KANK1: variants seen among roughly 807,000 people sequenced by gnomAD.
KANK1 encodes the protein KN motif and ankyrin repeat domain-containing protein 1.
In KANK1, 109 loss-of-function variants were observed where a neutral mutation model predicts 106.2. The ratio of observed to expected loss-of-function variants is 1.03; its 90% CI spans 0.88 to 1.20. The LOEUF (loss-of-function observed/expected upper bound fraction) is 1.20. KANK1 is among the 50% of genes most tolerant of loss of function. The pLI is 0.00. For synonymous variants in KANK1, 873 were observed against 652.2 expected, an observed-to-expected ratio of 1.34 and a Z score of -5.16; for missense variants, 2,399 against 1,710.7, an observed-to-expected ratio of 1.40 and a Z score of -7.10.
chr9:605,078 C>G (rs1307642444), intron 1 of KANK1, among the ~76,000 whole-genome samples: 1 of 151,420 alleles, frequency 6.6e-6, no homozygotes, highest in East Asian at 1.9e-4. Flanking sequence ...CCGAGGCAGG[C>G]AGATCACATG....
chr9:715,835 G>C (rs1301426891), intron 3 of KANK1, among the ~76,000 whole-genome samples: 1 of 152,214 alleles, frequency 6.6e-6, no homozygotes, highest in Admixed American at 6.5e-5. Context: ...TGAACGCAGA[G>C]TATTCCATTT....
In KANK1 at chr9:600,494, C is replaced by A. The variant is rs115776111; in HGVS notation, c.-83-76396C>A. Among the ~76,000 whole-genome samples the A allele has an allele frequency of 2.2e-3, 338 of 151,808 alleles. 10 individuals are homozygous for A. The highest frequency in any genetic ancestry group is 7.8e-3 in the African/African-American group (319 of 41,158). ...CATTCCCATACAATGTGGTAACATA[C>A]GTAATAATCTAAATAGAATATAAAT... is the stretch of plus-strand genomic sequence containing the variant. On this transcript the variant is annotated intron_variant, in intron 1 of 11. Transcript: ENST00000382297.
At chr9:628,796 G>A (rs559796801) in intron 1 of KANK1, among the ~76,000 whole-genome samples, 5 of 152,072 alleles carry the variant, frequency 3.3e-5, no homozygotes, top group South Asian at 2.1e-4. Context: ...TTACCATCTT[G>A]GGCCGGGCAT....
intron 1 of KANK1, among the ~76,000 whole-genome samples, chr9:581,364 G>C (rs1480823961): frequency 6.6e-6 from 1 of 152,234 alleles, no homozygotes; most frequent in African/African-American, 2.4e-5. Context: ...AGTGAGACTG[G>C]AAATTCTTTG....
chr9:506,067 G>T (rs2058743231), intron 1 of KANK1, among the ~76,000 whole-genome samples: 2 of 152,136 alleles, frequency 1.3e-5, no homozygotes, highest in Admixed American at 1.3e-4. Flanking sequence ...AAATTCAGTG[G>T]TTTTTAATAT....
chr9:702,150 T>A (rs1413191081), intron 2 of KANK1, among the ~76,000 whole-genome samples: 2 of 152,192 alleles, frequency 1.3e-5, no homozygotes, highest in African/African-American at 4.8e-5. Flanking sequence ...TTACCCCAAA[T>A]TGCAGAGTGT....
At chr9:507,034 C>T (rs1439981077) in intron 1 of KANK1, among the ~76,000 whole-genome samples, 2 of 152,054 alleles carry the variant, frequency 1.3e-5, no homozygotes, top group African/African-American at 4.8e-5. Context: ...ATGCAACATC[C>T]ACTACACTTC....
At chr9:503,959 G>C (rs1258767956), upstream of KANK1, among the ~76,000 whole-genome samples, 1 of 152,204 alleles carries the variant, frequency 6.6e-6, no homozygotes, top group Admixed American at 6.5e-5. Context: ...TTTCCGCCGA[G>C]GACTCTGTCC....
chr9:672,940 G>A (rs975445798), intron 1 of KANK1, among the ~76,000 whole-genome samples: 3 of 152,124 alleles, frequency 2.0e-5, no homozygotes, highest in Non-Finnish European at 4.4e-5. Flanking sequence ...TACCACTTAA[G>A]ATTTACTGGT....
chr9:658,106 A>G (rs766154992), intron 1 of KANK1, among the ~76,000 whole-genome samples: 2 of 152,162 alleles, frequency 1.3e-5, no homozygotes, highest in African/African-American at 2.4e-5. Flanking sequence ...TATATCTTCA[A>G]TGTGAAATCC....
At chr9:664,449 C>G (rs1216030301) in intron 1 of KANK1, among the ~76,000 whole-genome samples, 1 of 152,030 alleles carries the variant, frequency 6.6e-6, no homozygotes, top group Non-Finnish European at 1.5e-5. Context: ...TTTTACCACA[C>G]TTTCTTTTTA....
At chr9:585,463 T>A (rs1170747270) in intron 1 of KANK1, among the ~76,000 whole-genome samples, 1 of 152,142 alleles carries the variant, frequency 6.6e-6, no homozygotes, top group Non-Finnish European at 1.5e-5. Flanking sequence ...CAAATAAAAA[T>A]GATGGAATTA....
Position 605,231 on chromosome 9 carries a change from G to A in KANK1, c.-83-71659G>A, listed in dbSNP as rs372864263. 4.0e-5 allele frequency among the ~76,000 whole-genome samples: 6 copies of A among 148,992 alleles called. No individual in the cohort carries two copies. In the East Asian group the frequency reaches 7.9e-4, roughly 20 times the overall value. ...CAGGAGAATCACTTGAACGTGGGAG[G>A]CAGAGGTTGCAGTGAGCCCAGATTG... On this transcript the variant is annotated intron_variant, in intron 1 of 11. Transcript: ENST00000382297.
At chr9:611,684 C>G (rs1251855400) in intron 1 of KANK1, among the ~76,000 whole-genome samples, 2 of 152,068 alleles carry the variant, frequency 1.3e-5, no homozygotes, top group African/African-American at 4.8e-5. Flanking sequence ...GTTTATCTTC[C>G]CAGTAATATT....
intron 1 of KANK1, among the ~76,000 whole-genome samples, chr9:541,133 C>T (rs1046241063): frequency 6.8e-6 from 1 of 146,022 alleles, no homozygotes; most frequent in African/African-American, 2.5e-5. Flanking sequence ...GAAAAAAAAA[C>T]ACAAAAAAAC....
intron 3 of KANK1, chr9:478,024 AGGATTACAAT>A: frequency 5.8e-6 from 1 of 171,654 alleles, no homozygotes; most frequent in Non-Finnish European, 1.3e-5. Flanking sequence ...GAAGAGTCAA[AGGATTACAAT>A]GAAACTGACC....
In KANK1 at chr9:690,314, GA is replaced by G. The variant is rs58615825; in HGVS notation, c.37+13319del. On this transcript the variant is annotated intron_variant, in intron 2 of 11. Coordinates refer to ENST00000382297, the MANE Select transcript of KANK1 (RefSeq NM_015158.5). ...GAGCGAGACTCTGTCTCAAAAAAAA[GA>G]AAAAAAAAAAAAAGGCTACAAGAGA... Among the ~76,000 whole-genome samples, 914 of 106,994 alleles carry G rather than the reference GA, an allele frequency of 8.5e-3. 6 individuals carry two copies. Among genetic ancestry groups the G allele is most frequent in the African/African-American group, 0.02 (617 of 30,158 alleles). The allele number at this position is 106,994 out of a possible 152,430, so 70.2% of individuals were successfully genotyped here. A position where few individuals can be genotyped will look rare whatever the true frequency, so the allele number is the denominator to read the frequency against.
rs556758207 is a variant in KANK1 at position 670,994 on chromosome 9, C to T, written c.-83-5896C>T. Among the ~76,000 whole-genome samples, 7 of 137,604 alleles carry T rather than the reference C, an allele frequency of 5.1e-5. 1 individual carries two copies. The South Asian group carries it at 1.5e-3, about 30-fold the overall frequency. The allele number at this position is 137,604 out of a possible 152,430, so 90.3% of individuals were successfully genotyped here. ...TTTTTTTTTTACTTCTCAGTGGCCC[C>T]AGGAACTGACCGATTCTCTTTCATG... On this transcript the variant is annotated intron_variant, in intron 1 of 11. Transcript: ENST00000382297.
chr9:673,280 G>A (rs74350331), intron 1 of KANK1, among the ~76,000 whole-genome samples: 1 of 140,284 alleles, frequency 7.1e-6, no homozygotes, highest in Non-Finnish European at 1.5e-5. Context: ...GCGTGATCTC[G>A]GCTCACCGCA....
Sources: gnomAD v4.1 joint callset for allele counts (sites outside exome capture counted in the v4.1 genomes callset) on GRCh38, gnomAD v4.1.1 for gene constraint, MANE v1.5 for transcripts, NCBI Gene and HGNC (gene_info 2026-07-23, HGNC 2026-07-21) for gene names.